The following DLGAP1 variants were observed in gnomAD, a reference collection of about 807,000 sequenced individuals.
DLGAP1 encodes DLG associated protein 1.
A neutral mutation model predicts 90.8 loss-of-function variants in DLGAP1; 11 were observed. The ratio of observed to expected loss-of-function variants is 0.12; its 90% CI spans 0.08 to 0.20. The LOEUF (loss-of-function observed/expected upper bound fraction) is 0.20, where lower values mean the gene tolerates loss of function less well. Ranked by LOEUF, DLGAP1 falls within the 10% of genes least tolerant of loss-of-function variation. The pLI is 1.00. For missense variants in DLGAP1, 1,050 were observed against 1,333.8 expected, an observed-to-expected ratio of 0.79 and a Z score of 3.31; for synonymous variants, 558 against 540.7, an observed-to-expected ratio of 1.03 and a Z score of -0.44.
At chr18:4,412,013 G>T (rs1799043748) in intron 1 of DLGAP1, among the ~76,000 whole-genome samples, 1 of 152,166 alleles carries the variant, frequency 6.6e-6, no homozygotes, top group African/African-American at 2.4e-5. Flanking sequence ...AATGTCAGGG[G>T]AGTTAAAGCA....
chr18:3,610,882 CTT>C (rs368972569), intron 7 of DLGAP1, among the ~76,000 whole-genome samples: 2 of 145,604 alleles, frequency 1.4e-5, no homozygotes, highest in Non-Finnish European at 1.5e-5. Context: ...ACTGTATGGT[CTT>C]TTTTTTTTTT....
chr18:4,406,401 A>G (rs982623519), intron 1 of DLGAP1, among the ~76,000 whole-genome samples: 4 of 152,136 alleles, frequency 2.6e-5, no homozygotes, highest in Non-Finnish European at 4.4e-5. Context: ...CTGCCTCCAG[A>G]CCCTATTCTC....
intron 1 of DLGAP1, among the ~76,000 whole-genome samples, chr18:4,341,778 A>G (rs946227856): frequency 5.9e-5 from 9 of 152,194 alleles, no homozygotes; most frequent in African/African-American, 2.2e-4. Context: ...ATCAAACATA[A>G]GAGGGATTCA....
intron 1 of DLGAP1, among the ~76,000 whole-genome samples, chr18:4,446,088 C>T (rs2083659296): frequency 1.3e-5 from 2 of 151,992 alleles, no homozygotes; most frequent in Admixed American, 1.3e-4. Context: ...ACAGCAGAGC[C>T]CTGACAAACA....
chr18:4,215,659 C>T lies in DLGAP1; in HGVS notation c.-266-64372G>A, dbSNP rs536318838. ...TAAAACAGATGGGTTCATTTGCTGT[C>T]CAAAAGCGAATCAGCATTAATTTGG... On this transcript the variant is annotated intron_variant, in intron 1 of 12. Coordinates refer to ENST00000315677, the MANE Select transcript of DLGAP1 (RefSeq NM_004746.4). 1.1e-4 allele frequency among the ~76,000 whole-genome samples: 16 copies of T among 152,164 alleles called. No individual in the cohort carries two copies. The East Asian group carries it at 3.1e-3, about 29-fold the overall frequency.
intron 1 of DLGAP1, among the ~76,000 whole-genome samples, chr18:4,443,243 G>A (rs1299400750): frequency 6.6e-6 from 1 of 152,130 alleles, no homozygotes; most frequent in Non-Finnish European, 1.5e-5. Context: ...CAAATAAAGG[G>A]AAGTTTACAT....
intron 1 of DLGAP1, among the ~76,000 whole-genome samples, chr18:4,199,599 A>C (rs935184359): frequency 3.3e-5 from 5 of 152,200 alleles, no homozygotes; most frequent in Non-Finnish European, 7.3e-5. Flanking sequence ...CACTGCCTTA[A>C]TATAACAGCC....
intron 1 of DLGAP1, among the ~76,000 whole-genome samples, chr18:4,236,399 C>A (rs1162561365): frequency 6.6e-6 from 1 of 152,080 alleles, no homozygotes; most frequent in African/African-American, 2.4e-5. Context: ...CAAACTGCAC[C>A]TAGTAAATGT....
intron 9 of DLGAP1, among the ~76,000 whole-genome samples, chr18:3,561,852 A>G (rs1218286590): frequency 2.0e-5 from 3 of 150,992 alleles, no homozygotes; most frequent in Admixed American, 6.6e-5. Context: ...AAAGAGGTTT[A>G]TGGGACTTAC....
At chr18:4,285,482 C>A (rs2079665134) in intron 1 of DLGAP1, among the ~76,000 whole-genome samples, 1 of 152,198 alleles carries the variant, frequency 6.6e-6, no homozygotes, top group African/African-American at 2.4e-5. Context: ...GCAGATCAGA[C>A]AGATTTTTAA....
chr18:4,367,850 G>A (rs34074154), intron 1 of DLGAP1, among the ~76,000 whole-genome samples: 20,407 of 147,186 alleles, frequency 0.14, 1,560 homozygotes, highest in African/African-American at 0.21. Context: ...CTCCATCTCA[G>A]AAAAAAAAAA....
intron 7 of DLGAP1, chr18:3,607,380 GCTC>G (rs2057374945): frequency 6.6e-6 from 1 of 151,930 alleles, no homozygotes; most frequent in African/African-American, 2.4e-5. Context: ...CTGGTCTTGA[GCTC>G]CTGGGCTCAA....
chr18:3,617,970 G>A (rs2057939182), intron 7 of DLGAP1, among the ~76,000 whole-genome samples: 1 of 152,182 alleles, frequency 6.6e-6, no homozygotes, highest in South Asian at 2.1e-4. Flanking sequence ...CCGGGAGGCG[G>A]AGGTTGCTGT....
In DLGAP1 at chr18:4,034,308, C is replaced by A. The variant is rs540487685; in HGVS notation, c.-158-29107G>T. 5.3e-5 allele frequency among the ~76,000 whole-genome samples: 8 copies of A among 152,202 alleles called. 1 individual carries two copies. In the South Asian group the frequency reaches 1.7e-3, roughly 32 times the overall value. ...CCACCCGCCTTGGCCTCCCAAAGGGCTGGGATTACGGACATAAGCCACTGC... is the reference window on the plus strand; with the variant it reads ...CCACCCGCCTTGGCCTCCCAAAGGGATGGGATTACGGACATAAGCCACTGC... On this transcript the variant is annotated intron_variant, in intron 2 of 12. Coordinates refer to ENST00000315677, the MANE Select transcript of DLGAP1 (RefSeq NM_004746.4).
intron 2 of DLGAP1, among the ~76,000 whole-genome samples, chr18:4,090,292 T>C (rs1382285238): frequency 2.0e-5 from 3 of 152,010 alleles, no homozygotes; most frequent in Admixed American, 1.3e-4. Flanking sequence ...AAAGAAACTA[T>C]CATCAGAGTG....
intron 1 of DLGAP1, among the ~76,000 whole-genome samples, chr18:4,173,991 C>T (rs187376831): frequency 5.3e-5 from 8 of 152,296 alleles, no homozygotes; most frequent in Admixed American, 5.2e-4. Context: ...TGCACCCCTA[C>T]CTGGCCTCCC....
intron 10 of DLGAP1, among the ~76,000 whole-genome samples, chr18:3,531,115 A>G (rs1463085797): frequency 1.3e-5 from 2 of 152,210 alleles, no homozygotes; most frequent in Non-Finnish European, 2.9e-5. Flanking sequence ...TGCACTTAAC[A>G]TGATTTATAG....
intron 1 of DLGAP1, among the ~76,000 whole-genome samples, chr18:4,180,706 TC>T (rs755338064): frequency 2.0e-5 from 3 of 152,214 alleles, no homozygotes; most frequent in Non-Finnish European, 2.9e-5. Flanking sequence ...TCATTTGTGT[TC>T]CGTTTCTCAC....
intron 10 of DLGAP1, among the ~76,000 whole-genome samples, chr18:3,532,091 G>A (rs1246327496): frequency 6.6e-6 from 1 of 151,752 alleles, no homozygotes; most frequent in Non-Finnish European, 1.5e-5. Flanking sequence ...CTGACCTCAA[G>A]CGATCCTCCT....
Sources: gnomAD v4.1 joint callset for allele counts (sites outside exome capture counted in the v4.1 genomes callset) on GRCh38, gnomAD v4.1.1 for gene constraint, MANE v1.5 for transcripts, NCBI Gene and HGNC (gene_info 2026-07-23, HGNC 2026-07-21) for gene names.